Variants in BMAL1 observed in about 807,000 individuals in gnomAD.
The protein encoded by BMAL1 is basic helix-loop-helix ARNT-like protein 1.
At chr11:13,308,698 A>G in the BMAL1 span, among the ~76,000 whole-genome samples, 1 of 152,194 alleles carries the variant, frequency 6.6e-6, no homozygotes, top group Admixed American at 6.5e-5. Flanking sequence ...AATAAGTCAT[A>G]GTTCCTTCCC....
the BMAL1 span, chr11:13,354,208 C>A: frequency 4.1e-6 from 4 of 985,840 alleles, no homozygotes; most frequent in South Asian, 1.5e-5. Context: ...CGGCCCCCCA[C>A]CACCAAACCC....
the BMAL1 span, among the ~76,000 whole-genome samples, chr11:13,363,745 C>G: frequency 6.6e-6 from 1 of 152,216 alleles, no homozygotes; most frequent in Admixed American, 6.5e-5. Flanking sequence ...ACCAAGGCCT[C>G]TGTGTCTTTT....
the BMAL1 span, chr11:13,354,345 A>G: frequency 1.4e-5 from 23 of 1,613,456 alleles, no homozygotes; most frequent in Admixed American, 2.2e-4. Flanking sequence ...TTCAACCATC[A>G]GTGATTTCAT....
the BMAL1 span, among the ~76,000 whole-genome samples, chr11:13,315,919 G>A: frequency 6.6e-6 from 1 of 152,226 alleles, no homozygotes; most frequent in Non-Finnish European, 1.5e-5. Context: ...AGCTCACTGA[G>A]TGCGTGCATG....
chr11:13,293,666 T>G, the BMAL1 span, among the ~76,000 whole-genome samples: 1 of 152,264 alleles, frequency 6.6e-6, no homozygotes, highest in Non-Finnish European at 1.5e-5. Flanking sequence ...CTTGGGCCTA[T>G]GTGTAAAACT....
At chr11:13,338,024 A>G in the BMAL1 span, among the ~76,000 whole-genome samples, 1 of 152,148 alleles carries the variant, frequency 6.6e-6, no homozygotes, top group East Asian at 1.9e-4. Context: ...GGTTTCTGCC[A>G]ATAGTTTTTG....
chr11:13,356,677 G>A, the BMAL1 span: 10 of 1,594,170 alleles, frequency 6.3e-6, no homozygotes, highest in African/African-American at 1.2e-4. Flanking sequence ...TCTGTCTTAT[G>A]ATAAGAAGCT....
chr11:13,364,809 C>G, the BMAL1 span, among the ~76,000 whole-genome samples: 1 of 151,940 alleles, frequency 6.6e-6, no homozygotes, highest in South Asian at 2.1e-4. Context: ...TAAGAAGAAT[C>G]TAAGCGGGGA....
the BMAL1 span, chr11:13,358,684 T>C: frequency 7.8e-7 from 1 of 1,286,496 alleles, no homozygotes; most frequent in Non-Finnish European, 1.0e-6. Flanking sequence ...CAGATGTTTA[T>C]TACTTGCAAT....
chr11:13,386,842 G>A, the BMAL1 span: 193 of 1,493,820 alleles, frequency 1.3e-4, 1 homozygote, highest in Non-Finnish European at 1.7e-4. Context: ...ACTGGATAAG[G>A]AGAGAATAGC....
chr11:13,314,229 CCACACACACACACACA>C, the BMAL1 span, among the ~76,000 whole-genome samples: 25 of 138,648 alleles, frequency 1.8e-4, no homozygotes, highest in African/African-American at 4.9e-4. Flanking sequence ...AGGGTGGAGA[CCACACACACACACACA>C]CACACACACA....
At chr11:13,355,639 A>G in the BMAL1 span, among the ~76,000 whole-genome samples, 11 of 152,218 alleles carry the variant, frequency 7.2e-5, no homozygotes, top group Admixed American at 2.0e-4. Flanking sequence ...ACTGTCAGGC[A>G]GAGCTTTTTC....
chr11:13,299,090 T>G, the BMAL1 span, among the ~76,000 whole-genome samples: 1 of 152,208 alleles, frequency 6.6e-6, no homozygotes, highest in African/African-American at 2.4e-5. Context: ...CAAGGGGGAC[T>G]GGCTCCAGCA....
the BMAL1 span, among the ~76,000 whole-genome samples, chr11:13,369,281 C>G: frequency 6.6e-6 from 1 of 152,232 alleles, no homozygotes; most frequent in African/African-American, 2.4e-5. Context: ...ATACATCACC[C>G]TGTCCTATTA....
At chr11:13,282,754 T>C in the BMAL1 span, among the ~76,000 whole-genome samples, 1 of 152,258 alleles carries the variant, frequency 6.6e-6, no homozygotes, top group African/African-American at 2.4e-5. Flanking sequence ...TCTGAAAATA[T>C]CTCACCTGCT....
the BMAL1 span, among the ~76,000 whole-genome samples, chr11:13,367,764 G>C: frequency 6.7e-6 from 1 of 150,178 alleles, no homozygotes; most frequent in Admixed American, 6.6e-5. Flanking sequence ...GGCTCATTCC[G>C]GCTCCACCAT....
At chr11:13,369,136 G>A in the BMAL1 span, among the ~76,000 whole-genome samples, 1 of 152,174 alleles carries the variant, frequency 6.6e-6, no homozygotes, top group Non-Finnish European at 1.5e-5. Context: ...CTACAAGCCA[G>A]GTTGAGAACT....
At chr11:13,297,902 T>G in the BMAL1 span, among the ~76,000 whole-genome samples, 1 of 152,336 alleles carries the variant, frequency 6.6e-6, no homozygotes, top group Admixed American at 6.5e-5. Flanking sequence ...AGCTGTCTCC[T>G]GCTTCCAATT....
chr11:13,300,400 A>G, the BMAL1 span, among the ~76,000 whole-genome samples: 1 of 152,242 alleles, frequency 6.6e-6, no homozygotes, highest in Non-Finnish European at 1.5e-5. Context: ...TCATGAGGAT[A>G]TATAAAAAAT....
Sources: gnomAD v4.1 joint callset for allele counts (sites outside exome capture counted in the v4.1 genomes callset) on GRCh38, gnomAD v4.1.1 for gene constraint, MANE v1.5 for transcripts, NCBI Gene and HGNC (gene_info 2026-07-23, HGNC 2026-07-21) for gene names.